TENM3: variants seen among roughly 807,000 people sequenced by gnomAD.
The protein encoded by TENM3 is teneurin transmembrane protein 3.
TENM3 carries 63 observed loss-of-function variants against 255.1 expected under a neutral mutation model. The ratio of observed to expected loss-of-function variants is 0.25; its 90% CI spans 0.20 to 0.30. The LOEUF is 0.30. TENM3 is among the 10% of genes least tolerant of loss of function. The pLI, the probability that TENM3 is intolerant of heterozygous loss-of-function variation, is 1.00. For synonymous variants in TENM3, 1,306 were observed against 1,322.3 expected, an observed-to-expected ratio of 0.99 and a Z score of 0.27; for missense variants, 2,929 against 3,461.1, an observed-to-expected ratio of 0.85 and a Z score of 3.86.
chr4:181,730,392 G>A, the TENM3 span, among the ~76,000 whole-genome samples: 1 of 152,170 alleles, frequency 6.6e-6, no homozygotes, highest in Non-Finnish European at 1.5e-5. Flanking sequence ...TTGTAAATCC[G>A]AGCCGATGGC....
the TENM3 span, among the ~76,000 whole-genome samples, chr4:181,567,524 C>T: frequency 6.6e-6 from 1 of 152,118 alleles, no homozygotes; most frequent in African/African-American, 2.4e-5. Context: ...ACTAACTTTC[C>T]TCATAGACAG....
chr4:182,350,686 T>C (rs1765107956), intron 3 of TENM3, among the ~76,000 whole-genome samples: 1 of 152,154 alleles, frequency 6.6e-6, no homozygotes, highest in East Asian at 1.9e-4. Flanking sequence ...GGTTTTTGTT[T>C]TGTTTTGTTT....
chr4:182,323,799 T>G (rs909616069), intron 1 of TENM3, 147 bp from the exon 2 acceptor site: 1 of 569,960 alleles, frequency 1.8e-6, no homozygotes, highest in Non-Finnish European at 3.1e-6. Context: ...TTACACTGAT[T>G]TCAGAAATAC....
the TENM3 span, among the ~76,000 whole-genome samples, chr4:181,969,708 C>A: frequency 1.3e-5 from 2 of 152,150 alleles, no homozygotes; most frequent in Non-Finnish European, 2.9e-5. Flanking sequence ...ATCGTGTTAA[C>A]GTACATAATA....
At chr4:182,190,265 C>T (rs769837853) in intron 1 of TENM3, 14 of 152,276 alleles carry the variant, frequency 9.2e-5, no homozygotes, top group Non-Finnish European at 8.8e-5. Flanking sequence ...TTGGCTCTGA[C>T]GGTACCTTCT....
the TENM3 span, among the ~76,000 whole-genome samples, chr4:181,546,426 G>A: frequency 6.6e-5 from 10 of 152,112 alleles, no homozygotes; most frequent in African/African-American, 2.4e-4. Flanking sequence ...TACAGAAATG[G>A]CACCTGAGGC....
intron 22 of TENM3, among the ~76,000 whole-genome samples, chr4:182,765,870 T>C (rs574046433): frequency 2.1e-4 from 32 of 152,304 alleles, no homozygotes; most frequent in African/African-American, 7.5e-4. Flanking sequence ...CCTGTCAAGG[T>C]GTATTCCAAA....
intron 1 of TENM3, among the ~76,000 whole-genome samples, chr4:182,252,318 C>G (rs1758073789): frequency 6.6e-6 from 1 of 152,066 alleles, no homozygotes; most frequent in South Asian, 2.1e-4. Context: ...ATATGGAGTG[C>G]AAAGCTTTTA....
At chr4:181,792,382 T>A in the TENM3 span, among the ~76,000 whole-genome samples, 5 of 152,138 alleles carry the variant, frequency 3.3e-5, no homozygotes, top group African/African-American at 4.8e-5. Context: ...CTGAACAAAT[T>A]CACAATTTAC....
intron 7 of TENM3, among the ~76,000 whole-genome samples, chr4:182,679,057 C>CAG: frequency 1.3e-5 from 2 of 152,154 alleles, no homozygotes; most frequent in South Asian, 2.1e-4. Flanking sequence ...CAGGGCCTGT[C>CAG]AGGGTGTCAG....
intron 3 of TENM3, among the ~76,000 whole-genome samples, chr4:182,373,404 A>G (rs1189354003): frequency 1.3e-5 from 2 of 152,206 alleles, no homozygotes; most frequent in African/African-American, 4.8e-5. Flanking sequence ...TGCAGACTAC[A>G]CAAGAAGCAT....
chr4:182,431,266 C>T (rs906865467), intron 3 of TENM3, among the ~76,000 whole-genome samples: 1 of 151,842 alleles, frequency 6.6e-6, no homozygotes, highest in African/African-American at 2.4e-5. Context: ...GAGACCGAGA[C>T]AGGCGGATTA....
chr4:182,688,942 C>T (rs2152576587), intron 12 of TENM3, among the ~76,000 whole-genome samples: 1 of 152,262 alleles, frequency 6.6e-6, no homozygotes, highest in East Asian at 1.9e-4. Flanking sequence ...CATTTGTGAA[C>T]ATCTGTAGGT....
intron 4 of TENM3, among the ~76,000 whole-genome samples, chr4:182,606,468 G>A (rs2152422878): frequency 7.2e-6 from 1 of 139,512 alleles, no homozygotes; most frequent in East Asian, 2.3e-4. Context: ...TGGTTGCAGT[G>A]AGCCAAGATC....
chr4:181,553,587 G>T, the TENM3 span, among the ~76,000 whole-genome samples: 3 of 151,970 alleles, frequency 2.0e-5, no homozygotes, highest in South Asian at 2.1e-4. Context: ...GACTACGGGT[G>T]CCTGCCACCA....
At chr4:181,782,259 T>C in the TENM3 span, among the ~76,000 whole-genome samples, 1 of 152,164 alleles carries the variant, frequency 6.6e-6, no homozygotes, top group Admixed American at 6.5e-5. Flanking sequence ...CTGGACTTTT[T>C]TTGGTTGGTA....
At chr4:181,598,306 G>C in the TENM3 span, among the ~76,000 whole-genome samples, 1 of 152,150 alleles carries the variant, frequency 6.6e-6, no homozygotes, top group East Asian at 1.9e-4. Context: ...TTCAGTTAAG[G>C]CTCTAGGGCT....
At chr4:182,622,143 C>G (rs1181938553) in intron 4 of TENM3, among the ~76,000 whole-genome samples, 1 of 151,948 alleles carries the variant, frequency 6.6e-6, no homozygotes, top group East Asian at 1.9e-4. Context: ...GGCAGATCAC[C>G]TAGGTCAGGA....
At chr4:182,686,281 A>T (rs1032408400) in intron 11 of TENM3, among the ~76,000 whole-genome samples, 1 of 152,116 alleles carries the variant, frequency 6.6e-6, no homozygotes, top group Non-Finnish European at 1.5e-5. Flanking sequence ...CAGAAAACTT[A>T]CTTAGAATTC....
Sources: gnomAD v4.1 joint callset for allele counts (sites outside exome capture counted in the v4.1 genomes callset) on GRCh38, gnomAD v4.1.1 for gene constraint, MANE v1.5 for transcripts, NCBI Gene and HGNC (gene_info 2026-07-23, HGNC 2026-07-21) for gene names.